Variants in AGRN observed in about 807,000 individuals in gnomAD.
AGRN encodes agrin.
AGRN carries 106 observed loss-of-function variants against 211.0 expected under a neutral mutation model. That is an observed-to-expected ratio of 0.50 (90% CI 0.43 to 0.59). AGRN has a LOEUF of 0.59. AGRN is among the 20% of genes least tolerant of loss of function. The pLI, the probability that AGRN is intolerant of heterozygous loss-of-function variation, is 0.00. For synonymous variants in AGRN, 1,525 were observed against 1,332.5 expected, an observed-to-expected ratio of 1.14 and a Z score of -3.15; for missense variants, 3,040 against 2,982.6, an observed-to-expected ratio of 1.02 and a Z score of -0.45.
At chr1:1,033,192 G>T (rs1206166089) in intron 2 of AGRN, among the ~76,000 whole-genome samples, 3 of 152,024 alleles carry the variant, frequency 2.0e-5, no homozygotes, top group Non-Finnish European at 4.4e-5. Context: ...CCGCGCGGGA[G>T]TCGGGGGCGC....
At chr1:1,024,319 G>A (rs1335666856) in intron 2 of AGRN, among the ~76,000 whole-genome samples, 3 of 152,026 alleles carry the variant, frequency 2.0e-5, no homozygotes, top group Admixed American at 1.3e-4. Flanking sequence ...ACTGGGTGGT[G>A]TGGGAGGTGG....
At position 1,045,256 on chromosome 1, in the gene AGRN, G is replaced by A. The variant is rs139778596; in HGVS notation, c.2350G>A (p.Val784Met). 38 of 1,611,644 alleles carry A rather than the reference G, an allele frequency of 2.4e-5. No individual in the cohort carries two copies. The highest frequency in any genetic ancestry group is 4.5e-5 in the East Asian group (2 of 44,832). Residue 784 changes from valine to methionine, a missense_variant, in exon 13 of 36, where the codon GTG becomes ATG. Coordinates refer to ENST00000379370, the MANE Select transcript of AGRN (RefSeq NM_198576.4). ...CQDNITAARGVGLAGCPSACQ... is the reference protein window; with the variant it reads ...CQDNITAARGMGLAGCPSACQ... Reference sequence around the variant, plus strand: ...GGACAATATCACCGCAGCCCGGGGCGTGGGCCTGGCTGGCTGCCCCAGTGA... The same window carrying A: ...GGACAATATCACCGCAGCCCGGGGCATGGGCCTGGCTGGCTGCCCCAGTGA...
At chr1:1,035,427 TGAG>T in intron 3 of AGRN, 103 bp downstream of exon 3, 1 of 1,471,236 alleles carries the variant, frequency 6.8e-7, no homozygotes, top group Non-Finnish European at 9.5e-7. Context: ...GTGTCTGGAG[TGAG>T]GAGGAGGCTG....
At position 1,029,574 on chromosome 1, in the gene AGRN, A is replaced by G. The variant is rs573066202; in HGVS notation, c.464-5703A>G. Among the ~76,000 whole-genome samples, 66 of 152,220 alleles carry G rather than the reference A, an allele frequency of 4.3e-4. No individual in the cohort carries two copies. In the South Asian group the frequency reaches 9.8e-3, roughly 22 times the overall value. ...AGGGGTGGTGCTGGGCAGGCCAGGA[A>G]TACCCATTGTGTGGCCGTGTGTGTG... On this transcript the variant is annotated intron_variant, in intron 2 of 35. Transcript: ENST00000379370.
At chr1:1,035,253 A>G (rs1030612650) in intron 2 of AGRN, 24 bp from the exon 3 acceptor site, 1 of 1,612,632 alleles carries the variant, frequency 6.2e-7, no homozygotes, top group African/African-American at 1.3e-5. Context: ...GAGGAGCCTA[A>G]CTTGGGGATT....
chr1:1,047,276 C>A lies in AGRN; in HGVS notation c.3389-51C>A, dbSNP rs55648556. ...CTGCTGGGGCCTGTGCCTGGGCCAG[C>A]CTGGATGCCAGGCAGATGCCAGGCA... is the stretch of plus-strand genomic sequence containing the variant. On this transcript the variant is annotated intron_variant, in intron 19 of 35. Transcript: ENST00000379370. 4,665 of 1,553,294 alleles carry A rather than the reference C, an allele frequency of 3.0e-3. 7 individuals carry two copies. Among genetic ancestry groups the A allele is most frequent in the Admixed American group, 4.0e-3 (198 of 50,072 alleles).
At chr1:1,043,081 T>C (rs561974349) in intron 7 of AGRN, among the ~76,000 whole-genome samples, 158 bp from the exon 8 acceptor site, 1 of 152,254 alleles carries the variant, frequency 6.6e-6, no homozygotes, top group Admixed American at 6.5e-5. Context: ...TGTCTGTCCC[T>C]TTCTCTGCCG....
chr1:1,034,623 T>A, intron 2 of AGRN: 1 of 986,992 alleles, frequency 1.0e-6, no homozygotes, highest in Non-Finnish European at 1.2e-6. Flanking sequence ...GTGCGAGGCT[T>A]CATGGTGCCC....
chr1:1,030,399 C>T (rs1644637581), intron 2 of AGRN, among the ~76,000 whole-genome samples: 1 of 69,074 alleles, frequency 1.4e-5, no homozygotes, highest in Non-Finnish European at 2.8e-5. Flanking sequence ...GTGTGCAGTG[C>T]ATGGTGCTGT....
At chr1:1,033,329 G>T (rs1557691882) in intron 2 of AGRN, among the ~76,000 whole-genome samples, 1 of 151,820 alleles carries the variant, frequency 6.6e-6, no homozygotes, top group Admixed American at 6.6e-5. Flanking sequence ...CGCCCCGCCA[G>T]GGCGGGGCCG....
chr1:1,051,868 G>C, intron 33 of AGRN, 53 bp downstream of exon 33: 2 of 1,605,142 alleles, frequency 1.2e-6, no homozygotes, highest in Non-Finnish European at 1.7e-6. Context: ...CTCGGGGCGG[G>C]ACACCGGACC....
At chr1:1,038,212 G>A (rs1055859238) in intron 3 of AGRN, among the ~76,000 whole-genome samples, 8 of 152,204 alleles carry the variant, frequency 5.3e-5, no homozygotes, top group African/African-American at 9.6e-5. Flanking sequence ...ATTCCAAGAG[G>A]AGCGGACTCT....
At chr1:1,022,973 A>G (rs1644442545) in intron 2 of AGRN, among the ~76,000 whole-genome samples, 1 of 152,212 alleles carries the variant, frequency 6.6e-6, no homozygotes, top group Non-Finnish European at 1.5e-5. Context: ...GGCTCTGCCG[A>G]AGGGCCGAGG....
At chr1:1,028,466 G>A (rs899742125) in intron 2 of AGRN, among the ~76,000 whole-genome samples, 4 of 152,030 alleles carry the variant, frequency 2.6e-5, no homozygotes, top group African/African-American at 7.2e-5. Context: ...GCCTGTGTGC[G>A]GTGCATGGGC....
intron 34 of AGRN, among the ~76,000 whole-genome samples, 159 bp downstream of exon 34, chr1:1,054,136 T>C (rs1344654865): frequency 6.6e-6 from 1 of 152,212 alleles, no homozygotes; most frequent in Non-Finnish European, 1.5e-5. Context: ...GCCAAGAAGA[T>C]GCAGGAGAAG....
chr1:1,048,865 A>G lies in AGRN; in HGVS notation c.4106-2A>G, dbSNP rs1195426307. The G allele has an allele frequency of 1.3e-6, 2 of 1,535,110 alleles. No individual in the cohort carries two copies. The highest frequency in any genetic ancestry group is 1.8e-6 in the Non-Finnish European group (2 of 1,141,738). On this transcript the variant is annotated splice_acceptor_variant, in intron 23 of 35. Transcript: ENST00000379370. LOFTEE classifies it high-confidence loss of function. This position sits in a 1 kb window ranked among gnomAD's most constrained non-coding sequence, Gnocchi z 5.9. ...GCCGGCCCTCCCGGTCGCCCTTTGC[A>G]GTGCTTGGCGCCCCTGTGCCGGCCT...
At position 1,046,804 on chromosome 1, in the gene AGRN, G is replaced by C. The variant is rs746542608; in HGVS notation, c.3251-16G>C. On this transcript the variant is annotated splice_polypyrimidine_tract_variant and intron_variant, in intron 18 of 35. Transcript: ENST00000379370. ...GAGGCTCCACCAGAGCCTGGGCTCA[G>C]AGCGCGTCTCCCCAGGGCTCGAGCC... The C allele has an allele frequency of 1.1e-5, 18 of 1,577,224 alleles. No homozygotes were observed. Among genetic ancestry groups the C allele is most frequent in the Non-Finnish European group, 1.5e-5 (18 of 1,166,998 alleles).
chr1:1,033,559 T>A (rs1209363799), intron 2 of AGRN, among the ~76,000 whole-genome samples: 3 of 145,116 alleles, frequency 2.1e-5, no homozygotes, highest in Non-Finnish European at 3.0e-5. Context: ...CGACCCCTGC[T>A]CCCCCGGCCC....
In AGRN at chr1:1,045,450, C is replaced by T; in HGVS notation, c.2463C>T (p.Leu821=). The change falls in exon 14 of 36, where the codon CTC becomes CTT. Residue 821 remains leucine (L), a synonymous_variant. Transcript: ENST00000379370. The part of the protein sequence containing the change: ...QCSCRPGVGG[L]RCDRCEPGFW... ...CCTGCCGCCCAGGTGTGGGGGGCCTCAGGTGTGACCGCTGTGAGCCTGGCT... is the reference window on the plus strand; with the variant it reads ...CCTGCCGCCCAGGTGTGGGGGGCCTTAGGTGTGACCGCTGTGAGCCTGGCT... The T allele has an allele frequency of 6.2e-7, 1 of 1,612,748 alleles. No individual in the cohort carries two copies. Among genetic ancestry groups the T allele is most frequent in the Non-Finnish European group, 8.5e-7 (1 of 1,179,922 alleles).
Sources: gnomAD v4.1 joint callset for allele counts (sites outside exome capture counted in the v4.1 genomes callset) on GRCh38, gnomAD v4.1.1 for gene constraint, Gnocchi (gnomAD v3.1) non-coding constraint, MANE v1.5 for transcripts, NCBI Gene and HGNC (gene_info 2026-07-23, HGNC 2026-07-21) for gene names.